The following SLC16A1 variants were observed in gnomAD, a reference collection of about 807,000 sequenced individuals.
The protein encoded by SLC16A1 is solute carrier family 16 member 1.
Under a neutral mutation model 32.2 loss-of-function variants are expected in SLC16A1, and 11 were observed. That is an observed-to-expected ratio of 0.34 (90% confidence interval 0.21 to 0.56). The LOEUF (loss-of-function observed/expected upper bound fraction) is 0.56. Ranked by LOEUF, SLC16A1 falls within the 20% of genes least tolerant of loss-of-function variation. The probability of loss-of-function intolerance (pLI) is 0.87; values close to 1 mark genes in which losing one functional copy is unlikely to be tolerated. For synonymous variants in SLC16A1, 231 were observed against 226.8 expected (o/e 1.02, Z -0.17); for missense variants, 435 against 615.0 (o/e 0.71, Z 3.10).
intron 2 of SLC16A1, among the ~76,000 whole-genome samples, chr1:112,928,754 G>T (rs897346699): frequency 6.6e-6 from 1 of 152,056 alleles, no homozygotes; most frequent in South Asian, 2.1e-4. Flanking sequence ...CTATATTTAT[G>T]TTTACATTTC....
intron 1 of SLC16A1, among the ~76,000 whole-genome samples, chr1:112,938,132 TA>T (rs111419825): frequency 6.6e-6 from 1 of 152,292 alleles, no homozygotes; most frequent in African/African-American, 2.4e-5. Flanking sequence ...TGTCTTTTCC[TA>T]AAATGACAAT....
chr1:112,923,584 A>G (rs1045758138), intron 2 of SLC16A1: 1 of 1,356,844 alleles, frequency 7.4e-7, no homozygotes, highest in South Asian at 1.2e-5. Flanking sequence ...ACCAAGGCCA[A>G]TCCATTGTTT....
intron 1 of SLC16A1, among the ~76,000 whole-genome samples, chr1:112,929,818 G>A (rs1649067214): frequency 6.6e-6 from 1 of 152,192 alleles, no homozygotes; most frequent in African/African-American, 2.4e-5. Context: ...CTGCACTGCA[G>A]CCTGGGTGAA....
At chr1:112,923,222 G>A (rs886452749) in intron 2 of SLC16A1, among the ~76,000 whole-genome samples, 2 of 152,162 alleles carry the variant, frequency 1.3e-5, no homozygotes, top group Non-Finnish European at 2.9e-5. Context: ...AGGAGGCTGA[G>A]GCAGAAGAAT....
intron 2 of SLC16A1, chr1:112,924,071 C>T: frequency 1.5e-6 from 2 of 1,295,084 alleles, no homozygotes; most frequent in Non-Finnish European, 2.2e-6. Flanking sequence ...AGAAGCACCA[C>T]TTCGATGGCA....
rs1273319820 is a variant in SLC16A1 at position 112,912,141 on chromosome 1, A to T, written c.*1750T>A. 1 of 152,280 alleles carries T rather than the reference A, an allele frequency of 6.6e-6. No homozygotes were observed. Among genetic ancestry groups the T allele is most frequent in the Non-Finnish European group, 1.5e-5 (1 of 68,042 alleles). The allele number at this position is 152,280 out of a possible 1,614,324, so 9.4% of individuals were successfully genotyped here. On this transcript the variant is annotated 3_prime_UTR_variant, in exon 5 of 5. Transcript: ENST00000369626. ...TGCTCTGGATGCTCTCAGTTCAAATAAGATGGTTTTAAAATTCCCCTCCTC... is the reference window on the plus strand; with the variant it reads ...TGCTCTGGATGCTCTCAGTTCAAATTAGATGGTTTTAAAATTCCCCTCCTC...
chr1:112,921,110 C>T (rs1425734185), intron 3 of SLC16A1, among the ~76,000 whole-genome samples: 1 of 147,930 alleles, frequency 6.8e-6, no homozygotes, highest in Admixed American at 6.8e-5. Flanking sequence ...CACTGCACTC[C>T]AGCCTGGGAG....
intron 1 of SLC16A1, among the ~76,000 whole-genome samples, chr1:112,929,761 C>A (rs1649064916): frequency 6.6e-6 from 1 of 152,158 alleles, no homozygotes; most frequent in Non-Finnish European, 1.5e-5. Context: ...GTGAGAGGAT[C>A]ACTTGAACCT....
At chr1:112,931,903 T>C (rs1649144143) in intron 1 of SLC16A1, among the ~76,000 whole-genome samples, 1 of 152,116 alleles carries the variant, frequency 6.6e-6, no homozygotes, top group African/African-American at 2.4e-5. Flanking sequence ...AGCAGGTCCA[T>C]TTCAAAGTAC....
Position 112,913,767 on chromosome 1 carries a change from G to T in SLC16A1, c.*124C>A, listed in dbSNP as rs1005138921. The stretch of plus-strand genomic sequence containing the variant: ...ACAAAAATCCCATCAATGAACAACT[G>T]GTATGATTTCCACACAAATGTCTAC... On this transcript the variant is annotated 3_prime_UTR_variant, in exon 5 of 5. Coordinates refer to ENST00000369626, the MANE Select transcript of SLC16A1 (RefSeq NM_003051.4). 1.6e-4 allele frequency: 194 copies of T among 1,201,672 alleles called. No individual in the cohort carries two copies. The highest frequency in any genetic ancestry group is 2.2e-4 in the Non-Finnish European group (183 of 816,088). The allele number at this position is 1,201,672 out of a possible 1,614,324, so 74.4% of individuals were successfully genotyped here.
chr1:112,916,904 G>C (rs1248143488), intron 4 of SLC16A1, among the ~76,000 whole-genome samples: 1 of 152,088 alleles, frequency 6.6e-6, no homozygotes, highest in African/African-American at 2.4e-5. Context: ...ACTCCAGCCT[G>C]GGCAACAGAG....
chr1:112,923,531 C>A, intron 2 of SLC16A1: 5 of 1,095,778 alleles, frequency 4.6e-6, no homozygotes, highest in Admixed American at 3.4e-5. Flanking sequence ...TCGTGTACAG[C>A]GACAGCCAGT....
Position 112,922,048 on chromosome 1 carries a change from A to C in SLC16A1, c.303T>G (p.Ile101Met), listed in dbSNP as rs148691598. The change falls in exon 3 of 5, where the codon ATT becomes ATG. Residue 101 changes from isoleucine (I) to methionine (M), a missense_variant. Coordinates refer to ENST00000369626, the MANE Select transcript of SLC16A1 (RefSeq NM_003051.4). ...VGGCLSGCGL[I>M]AASFCNTVQQ... Reference sequence around the variant, plus strand: ...GTACGGTGTTACAGAAAGAAGCTGCAATCAAGCCACAGCCTGACAAGCAGC... The same window carrying C: ...GTACGGTGTTACAGAAAGAAGCTGCCATCAAGCCACAGCCTGACAAGCAGC... 521 of 1,614,198 alleles carry C rather than the reference A, an allele frequency of 3.2e-4. 1 individual carries two copies. The South Asian group carries it at 4.0e-3, about 12-fold the overall frequency.
intron 2 of SLC16A1, chr1:112,923,636 G>A: frequency 1.4e-6 from 2 of 1,441,272 alleles, no homozygotes; most frequent in Non-Finnish European, 2.0e-6. Context: ...TCCAGCTGGA[G>A]ACGTCACTGA....
chr1:112,916,533 A>G (rs1466432322), intron 4 of SLC16A1, among the ~76,000 whole-genome samples: 1 of 151,534 alleles, frequency 6.6e-6, no homozygotes, highest in Non-Finnish European at 1.5e-5. Flanking sequence ...CTTATGTGAA[A>G]TATACTTCAT....
chr1:112,918,441 C>T (rs534478063), intron 3 of SLC16A1, among the ~76,000 whole-genome samples: 58 of 152,042 alleles, frequency 3.8e-4, no homozygotes, highest in Non-Finnish European at 5.1e-4. Flanking sequence ...ACAAAATCAC[C>T]GGAAGGATTA....
At chr1:112,916,774 A>AT (rs1426975534) in intron 4 of SLC16A1, among the ~76,000 whole-genome samples, 1 of 151,974 alleles carries the variant, frequency 6.6e-6, no homozygotes, top group Non-Finnish European at 1.5e-5. Context: ...TATTAAAGAT[A>AT]TAAAAATTGG....
chr1:112,912,424 CTG>C lies in SLC16A1; in HGVS notation c.*1465_*1466del, dbSNP rs1648353186. 1 of 152,184 alleles carries C rather than the reference CTG, an allele frequency of 6.6e-6. No homozygotes were observed. The highest frequency in any genetic ancestry group is 1.5e-5 in the Non-Finnish European group (1 of 68,022). The allele number at this position is 152,184 out of a possible 1,614,324, so 9.4% of individuals were successfully genotyped here. ...AAGGTTTTGTATCTATACTTTTACTCTGTCAATTACAGTGGTATTTTAAATGC... is the reference window on the plus strand; with the variant it reads ...AAGGTTTTGTATCTATACTTTTACTCTCAATTACAGTGGTATTTTAAATGC... On this transcript the variant is annotated 3_prime_UTR_variant, in exon 5 of 5. Transcript: ENST00000369626.
intron 1 of SLC16A1, among the ~76,000 whole-genome samples, chr1:112,948,468 C>T (rs1649777745): frequency 6.6e-6 from 1 of 151,778 alleles, no homozygotes; most frequent in South Asian, 2.1e-4. Context: ...TAGAAATATA[C>T]AATATATTTT....
Sources: gnomAD v4.1 joint callset for allele counts (sites outside exome capture counted in the v4.1 genomes callset) on GRCh38, gnomAD v4.1.1 for gene constraint, MANE v1.5 for transcripts, NCBI Gene and HGNC (gene_info 2026-07-23, HGNC 2026-07-21) for gene names.